SLC12A2: variants seen among roughly 807,000 people sequenced by gnomAD.
The protein encoded by SLC12A2 is solute carrier family 12 member 2.
In SLC12A2, 67 loss-of-function variants were observed where a neutral mutation model predicts 136.3. The observed-to-expected ratio is 0.49, with a 90% CI of 0.40 to 0.60. SLC12A2 has a LOEUF of 0.60. SLC12A2 is among the 20% of genes least tolerant of loss of function. SLC12A2 has a pLI of 0.00. For missense variants in SLC12A2, 1,322 were observed against 1,534.7 expected (o/e 0.86, Z 2.32); for synonymous variants, 619 against 562.9 (o/e 1.10, Z -1.41).
intron 17 of SLC12A2, among the ~76,000 whole-genome samples, chr5:128,163,022 G>T (rs901318625): frequency 2.6e-5 from 4 of 152,040 alleles, no homozygotes; most frequent in African/African-American, 9.7e-5. Context: ...TCTTCTTCCA[G>T]TGTGGCCCAG....
chr5:128,159,804 T>G (rs531892206), intron 16 of SLC12A2, among the ~76,000 whole-genome samples: 12 of 152,318 alleles, frequency 7.9e-5, no homozygotes, highest in African/African-American at 2.4e-4. Flanking sequence ...TTTAAACTAG[T>G]TCAACCATTG....
chr5:128,160,843 T>TTGTG lies in SLC12A2; in HGVS notation c.2476-796_2476-793dup, dbSNP rs145223863. On this transcript the variant is annotated intron_variant, in intron 16 of 26. Coordinates refer to ENST00000262461, the MANE Select transcript of SLC12A2 (RefSeq NM_001046.3). ...AGTGGCAAAGTCAAGGGGTGTGTGT[T>TTGTG]TGTGTGTGTGTGTGTGTGTGTGTGA... 7.2e-3 allele frequency among the ~76,000 whole-genome samples: 1,068 copies of TTGTG among 147,450 alleles called. 16 individuals are homozygous for TTGTG. Among genetic ancestry groups the TTGTG allele is most frequent in the African/African-American group, 0.022 (900 of 40,366 alleles).
chr5:128,174,313 A>C (rs1763475228), intron 19 of SLC12A2, among the ~76,000 whole-genome samples: 1 of 152,136 alleles, frequency 6.6e-6, no homozygotes, highest in Admixed American at 6.5e-5. Flanking sequence ...CATGTTAGGC[A>C]TGTAAAAAGT....
At chr5:128,118,795 C>T (rs1485870426) in intron 4 of SLC12A2, among the ~76,000 whole-genome samples, 1 of 152,020 alleles carries the variant, frequency 6.6e-6, no homozygotes, top group Non-Finnish European at 1.5e-5. Context: ...AGTATTGTTT[C>T]CCAACAAATT....
chr5:128,084,271 C>T lies in SLC12A2; in HGVS notation c.317C>T (p.Ala106Val). Residue 106 changes from alanine (A) to valine (V), a missense_variant, in exon 1 of 27, where the codon GCG (alanine) becomes GTG (valine). By Grantham distance (64) the Ala-to-Val change is moderately conservative. Transcript: ENST00000262461. The surrounding 1 kb of genome is among the most constrained non-coding windows in gnomAD (Gnocchi z 5.6). ...GCGGCGGCGGCGGCGGCAGCGGCGG[C>T]GGCTGGTGCTGGGGCGGGGGCCAAG... ...AAAAAAAAAA[A>V]AGAGAGAKQT... The T allele has an allele frequency of 6.2e-6, 8 of 1,292,558 alleles. No homozygotes were observed. Among genetic ancestry groups the T allele is most frequent in the Non-Finnish European group, 7.8e-6 (8 of 1,030,514 alleles). 80.1% of individuals were successfully genotyped at this position (1,292,558 alleles called of 1,614,324 possible).
chr5:128,098,477 G>GTTTTTTTTTTTTTT (rs71575713), intron 1 of SLC12A2, among the ~76,000 whole-genome samples: 1 of 149,222 alleles, frequency 6.7e-6, no homozygotes, highest in Non-Finnish European at 1.5e-5. Context: ...ATGACTGCTT[G>GTTTTTTTTTTTTTT]TTTTTTTTGT....
At chr5:128,145,227 G>A (rs1395489641) in intron 10 of SLC12A2, among the ~76,000 whole-genome samples, 1 of 152,078 alleles carries the variant, frequency 6.6e-6, no homozygotes, top group Non-Finnish European at 1.5e-5. Context: ...AAGAGGAAAG[G>A]TTATAGTAAT....
rs904471274 is a variant in SLC12A2, at chr5:128,083,969, C to G, written c.15C>G (p.Pro5=). The change falls in exon 1 of 27, where the codon CCC becomes CCG. Residue 5 remains proline, a synonymous_variant. Coordinates refer to ENST00000262461, the MANE Select transcript of SLC12A2 (RefSeq NM_001046.3). The part of the protein sequence containing the change: MEPR[P]TAPSSGAPGL... ...GTCGGGCAGCTATGGAGCCGCGGCCCACGGCGCCCTCCTCCGGCGCCCCGG... is the reference window on the plus strand; with the variant it reads ...GTCGGGCAGCTATGGAGCCGCGGCCGACGGCGCCCTCCTCCGGCGCCCCGG... 18 of 1,239,132 alleles carry G rather than the reference C, an allele frequency of 1.5e-5. No individual in the cohort carries two copies. The highest frequency in any genetic ancestry group is 1.7e-5 in the Non-Finnish European group (17 of 991,454). 76.8% of individuals were successfully genotyped at this position (1,239,132 alleles called of 1,614,324 possible).
intron 4 of SLC12A2, among the ~76,000 whole-genome samples, chr5:128,128,179 A>T (rs1229360957): frequency 2.6e-5 from 4 of 152,148 alleles, no homozygotes; most frequent in Non-Finnish European, 1.5e-5. Context: ...GTGTTATTTC[A>T]GGTTTTTGAA....
intron 1 of SLC12A2, among the ~76,000 whole-genome samples, chr5:128,100,517 T>A (rs1176259859): frequency 6.6e-6 from 1 of 152,140 alleles, no homozygotes; most frequent in African/African-American, 2.4e-5. Context: ...ATGAAACACT[T>A]CTGGTCCCAT....
chr5:128,132,275 T>G (rs2126699275), intron 5 of SLC12A2, among the ~76,000 whole-genome samples: 1 of 152,228 alleles, frequency 6.6e-6, no homozygotes, highest in Non-Finnish European at 1.5e-5. Flanking sequence ...GAGGAGATGG[T>G]GGCTTATATT....
intron 4 of SLC12A2, among the ~76,000 whole-genome samples, chr5:128,127,532 T>A (rs982219593): frequency 6.6e-6 from 1 of 152,148 alleles, no homozygotes; most frequent in Non-Finnish European, 1.5e-5. Context: ...AAAATTGATC[T>A]TATTTCTTCC....
chr5:128,161,642 T>A lies in SLC12A2; in HGVS notation c.2476-18T>A. The A allele has an allele frequency of 4.5e-6, 6 of 1,335,678 alleles. No homozygotes were observed. The highest frequency in any genetic ancestry group is 5.8e-6 in the Non-Finnish European group (6 of 1,036,988). 82.7% of individuals were successfully genotyped at this position (1,335,678 alleles called of 1,614,324 possible). Reference sequence around the variant, plus strand: ...CTTACCTTTTAATTAAATATATTATTAATATTTTTATTCAAAGGGTCCTCG... The same window carrying A: ...CTTACCTTTTAATTAAATATATTATAAATATTTTTATTCAAAGGGTCCTCG... On this transcript the variant is annotated intron_variant, in intron 16 of 26. Transcript: ENST00000262461.
chr5:128,101,100 C>A (rs1338405910), intron 1 of SLC12A2, among the ~76,000 whole-genome samples: 1 of 152,106 alleles, frequency 6.6e-6, no homozygotes, highest in Non-Finnish European at 1.5e-5. Context: ...TTAACCAGAG[C>A]AGATTGGATT....
At chr5:128,097,903 T>A (rs1024425644) in intron 1 of SLC12A2, among the ~76,000 whole-genome samples, 5 of 152,136 alleles carry the variant, frequency 3.3e-5, no homozygotes, top group South Asian at 2.1e-4. Flanking sequence ...AGTTTTTTTT[T>A]ATCTAAACAT....
intron 1 of SLC12A2, among the ~76,000 whole-genome samples, chr5:128,098,151 T>C (rs574231352): frequency 6.6e-6 from 1 of 152,228 alleles, no homozygotes; most frequent in South Asian, 2.1e-4. Context: ...TTGTGTATCC[T>C]TTGTCAGTTT....
chr5:128,186,572 C>T lies in SLC12A2; in HGVS notation c.3580C>T (p.Leu1194=), dbSNP rs1270075192. The stretch of plus-strand genomic sequence containing the variant: ...ATGGTTAGAAGCTCTATCTAAGGAC[C>T]TACCACCAATCCTCCTAGTTCGTGG... ...MAWLEALSKD[L]PPILLVRGNH... is the part of the protein sequence containing the mutation. Residue 1194 remains leucine, a synonymous_variant, in exon 27 of 27, where the codon CTA becomes TTA. Coordinates refer to ENST00000262461, the MANE Select transcript of SLC12A2 (RefSeq NM_001046.3). 3.1e-6 allele frequency: 5 copies of T among 1,613,764 alleles called. 1 individual carries two copies. In the South Asian group the frequency reaches 4.4e-5, roughly 14 times the overall value.
chr5:128,108,130 A>C (rs1199491894), intron 1 of SLC12A2, among the ~76,000 whole-genome samples: 7 of 152,074 alleles, frequency 4.6e-5, no homozygotes, highest in African/African-American at 1.7e-4. Context: ...CAGCAAGCAG[A>C]AGAAGAATAA....
intron 26 of SLC12A2, 59 bp downstream of exon 26, chr5:128,184,915 A>G (rs1030965983): frequency 1.4e-6 from 2 of 1,419,596 alleles, no homozygotes; most frequent in Non-Finnish European, 2.0e-6. Context: ...CTTTGAATTA[A>G]TTTCTATTCC....
Sources: gnomAD v4.1 joint callset for allele counts (sites outside exome capture counted in the v4.1 genomes callset) on GRCh38, gnomAD v4.1.1 for gene constraint, Gnocchi (gnomAD v3.1) non-coding constraint, MANE v1.5 for transcripts, NCBI Gene and HGNC (gene_info 2026-07-23, HGNC 2026-07-21) for gene names.